TENM3: variants seen among roughly 807,000 people sequenced by gnomAD.
TENM3 encodes teneurin transmembrane protein 3.
TENM3 carries 63 observed loss-of-function variants against 255.1 expected under a neutral mutation model. That is an observed-to-expected ratio of 0.25 (90% CI 0.20 to 0.30). TENM3 has a LOEUF of 0.30. Among genes scored for constraint, TENM3 ranks in the 10% least tolerant of loss-of-function variants. The pLI, the probability that TENM3 is intolerant of heterozygous loss-of-function variation, is 1.00. For synonymous variants in TENM3, 1,306 were observed against 1,322.3 expected (o/e 0.99, Z 0.27); for missense variants, 2,929 against 3,461.1 (o/e 0.85, Z 3.86).
chr4:181,611,943 A>G, the TENM3 span, among the ~76,000 whole-genome samples: 1 of 152,258 alleles, frequency 6.6e-6, no homozygotes, highest in Non-Finnish European at 1.5e-5. Flanking sequence ...ATCAGATCCC[A>G]TACATAATAT....
chr4:181,904,025 A>G, the TENM3 span, among the ~76,000 whole-genome samples: 1 of 152,080 alleles, frequency 6.6e-6, no homozygotes, highest in Non-Finnish European at 1.5e-5. Context: ...TCCATTCAAC[A>G]TCTCCTCTTG....
the TENM3 span, among the ~76,000 whole-genome samples, chr4:182,115,399 A>G: frequency 6.6e-6 from 1 of 152,210 alleles, no homozygotes; most frequent in South Asian, 2.1e-4. Flanking sequence ...AAACAGTTAC[A>G]GTTCAGTTAT....
chr4:182,730,382 A>G, intron 15 of TENM3, 63 bp downstream of exon 15: 1 of 1,577,602 alleles, frequency 6.3e-7, no homozygotes. Flanking sequence ...ACCTTCCTGT[A>G]CCACTGTCAT....
At chr4:181,894,235 C>T in the TENM3 span, among the ~76,000 whole-genome samples, 5,819 of 152,198 alleles carry the variant, frequency 0.038, 386 homozygotes, top group African/African-American at 0.13. Flanking sequence ...CTTAAGCCTA[C>T]ATTCTGATCA....
At chr4:181,801,651 A>AATATATATATATATATAT in the TENM3 span, among the ~76,000 whole-genome samples, 9 of 80,936 alleles carry the variant, frequency 1.1e-4, no homozygotes, top group Admixed American at 2.5e-4. Flanking sequence ...AGAATTGTAA[A>AATATATATATATATATAT]ATATATATAT....
chr4:181,740,424 A>G, the TENM3 span, among the ~76,000 whole-genome samples: 1 of 152,170 alleles, frequency 6.6e-6, no homozygotes, highest in East Asian at 1.9e-4. Flanking sequence ...CAGACAAAAT[A>G]TAAATGGGAC....
At chr4:182,358,626 A>G (rs1317079060) in intron 3 of TENM3, among the ~76,000 whole-genome samples, 1 of 151,422 alleles carries the variant, frequency 6.6e-6, no homozygotes, top group Non-Finnish European at 1.5e-5. Context: ...GGGCTGAGAC[A>G]ATGGGGTTTT....
chr4:181,452,178 T>C, the TENM3 span, among the ~76,000 whole-genome samples: 10 of 152,296 alleles, frequency 6.6e-5, no homozygotes, highest in East Asian at 1.9e-3. Context: ...AAAATCCATA[T>C]TGAAGATGGT....
chr4:182,231,915 G>A (rs1756609174), intron 1 of TENM3, among the ~76,000 whole-genome samples: 1 of 152,202 alleles, frequency 6.6e-6, no homozygotes, highest in South Asian at 2.1e-4. Flanking sequence ...TGGCTGGAAA[G>A]CACCTGAAAT....
chr4:182,272,567 T>A (rs2150225329), intron 1 of TENM3, among the ~76,000 whole-genome samples: 1 of 152,318 alleles, frequency 6.6e-6, no homozygotes, highest in Non-Finnish European at 1.5e-5. Context: ...AGGCCACTGG[T>A]TTCCCGCAGA....
chr4:182,193,565 C>T (rs80002240), intron 1 of TENM3, among the ~76,000 whole-genome samples: 1 of 152,340 alleles, frequency 6.6e-6, no homozygotes, highest in African/African-American at 2.4e-5. Context: ...TCCTGGCGTA[C>T]ATTCCATGCG....
intron 3 of TENM3, among the ~76,000 whole-genome samples, chr4:182,412,880 A>G (rs931660704): frequency 2.0e-5 from 3 of 151,460 alleles, no homozygotes; most frequent in Non-Finnish European, 2.9e-5. Flanking sequence ...AAAAAAAAAG[A>G]ATAAGAAATT....
At chr4:182,315,883 A>G (rs1225346542) in intron 1 of TENM3, among the ~76,000 whole-genome samples, 1 of 151,936 alleles carries the variant, frequency 6.6e-6, no homozygotes, top group African/African-American at 2.4e-5. Context: ...CATTAATCCT[A>G]TTCAGTATAT....
chr4:182,397,398 TAAAAAAAA>T (rs144177808), intron 3 of TENM3, among the ~76,000 whole-genome samples: 3 of 48,964 alleles, frequency 6.1e-5, no homozygotes, highest in Admixed American at 8.1e-4. Flanking sequence ...AGACTCCATC[TAAAAAAAA>T]AAAAAAAAAA....
intron 3 of TENM3, among the ~76,000 whole-genome samples, chr4:182,545,940 A>G (rs1287576564): frequency 5.9e-5 from 9 of 152,314 alleles, no homozygotes; most frequent in African/African-American, 2.2e-4. Context: ...ATAGCCTACT[A>G]TTGACCAGAA....
chr4:182,566,143 G>A (rs778246687), intron 3 of TENM3, among the ~76,000 whole-genome samples: 2 of 152,156 alleles, frequency 1.3e-5, no homozygotes, highest in Admixed American at 6.5e-5. Context: ...GACATTGCAC[G>A]GCTTCTTTCC....
intron 3 of TENM3, among the ~76,000 whole-genome samples, chr4:182,390,634 A>G (rs1349350114): frequency 6.6e-6 from 1 of 152,158 alleles, no homozygotes; most frequent in Non-Finnish European, 1.5e-5. Flanking sequence ...CTGATGTGGC[A>G]CTACTGACAC....
the TENM3 span, among the ~76,000 whole-genome samples, chr4:182,021,141 C>T: frequency 1.3e-4 from 20 of 152,130 alleles, no homozygotes; most frequent in Admixed American, 2.6e-4. Flanking sequence ...GTTTAGCTCC[C>T]ACTTATGAGA....
chr4:181,814,575 TA>T, the TENM3 span, among the ~76,000 whole-genome samples: 1 of 140,220 alleles, frequency 7.1e-6, no homozygotes, highest in Admixed American at 7.8e-5. Context: ...ACAACACATA[TA>T]TTTTTAAATG....
Sources: allele counts gnomAD v4.1 joint callset (sites outside exome capture counted in the v4.1 genomes callset), GRCh38; gene constraint gnomAD v4.1.1; transcripts MANE v1.5; gene names NCBI Gene and HGNC (gene_info 2026-07-23, HGNC 2026-07-21).